Variants in LUZP2 observed in about 807,000 individuals in gnomAD.
LUZP2 encodes the protein leucine zipper protein 2.
In LUZP2, 52 loss-of-function variants were observed where a neutral mutation model predicts 51.6. The observed-to-expected ratio is 1.01, with a 90% confidence interval of 0.81 to 1.27. LUZP2 has a LOEUF of 1.27. Ranked by LOEUF, LUZP2 falls within the 50% of genes most tolerant of loss-of-function variation. The probability of loss-of-function intolerance (pLI) is 0.00; values close to 1 mark genes in which losing one functional copy is unlikely to be tolerated. For synonymous variants in LUZP2, 154 were observed against 137.3 expected, an observed-to-expected ratio of 1.12 and a Z score of -0.85; for missense variants, 436 against 395.4, an observed-to-expected ratio of 1.10 and a Z score of -0.87.
At chr11:25,066,510 A>G (rs537801456) in intron 10 of LUZP2, among the ~76,000 whole-genome samples, 53 of 152,124 alleles carry the variant, frequency 3.5e-4, no homozygotes, top group Admixed American at 3.9e-4. Context: ...TGTGGCAATG[A>G]CATTCGCTAA....
intron 7 of LUZP2, among the ~76,000 whole-genome samples, chr11:24,943,807 G>T (rs1854826493): frequency 6.6e-6 from 1 of 151,046 alleles, no homozygotes; most frequent in African/African-American, 2.4e-5. Flanking sequence ...GAACCCAGGA[G>T]GCAGAGGTTG....
chr11:24,692,641 A>G lies in LUZP2; in HGVS notation c.63-36528A>G, dbSNP rs1273887543. On this transcript the variant is annotated intron_variant, in intron 1 of 11. Transcript: ENST00000336930. ...TTCAGCCCAGTTTCTTCATCATAAA[A>G]GTACATAGCTAAAAAGTCAACAAGT... Among the ~76,000 whole-genome samples the G allele has an allele frequency of 2.0e-5, 3 of 152,202 alleles. No homozygotes were observed. The East Asian group carries it at 5.8e-4, about 29-fold the overall frequency.
rs191680018 is a variant in LUZP2 at position 24,940,798 on chromosome 11, G to C, written c.522+26260G>C. Among the ~76,000 whole-genome samples, 233 of 152,126 alleles carry C rather than the reference G, an allele frequency of 1.5e-3. 1 individual carries two copies. The highest frequency in any genetic ancestry group is 5.4e-3 in the African/African-American group (225 of 41,500). On this transcript the variant is annotated intron_variant, in intron 7 of 11. Transcript: ENST00000336930. ...AGCTTTTCCTATTCTTGAGTGAGTT[G>C]CATAACCTCTGAGCTATTTTCCCAA... is the stretch of plus-strand genomic sequence containing the variant.
At chr11:24,512,273 A>G (rs1850335424) in intron 1 of LUZP2, among the ~76,000 whole-genome samples, 1 of 152,136 alleles carries the variant, frequency 6.6e-6, no homozygotes, top group Non-Finnish European at 1.5e-5. Context: ...ATAAACCTTA[A>G]GAACCATCTT....
At chr11:24,996,136 C>T (rs150874275) in intron 9 of LUZP2, among the ~76,000 whole-genome samples, 243 of 150,868 alleles carry the variant, frequency 1.6e-3, no homozygotes, top group Non-Finnish European at 3.1e-3. Flanking sequence ...GAGTTTTTTT[C>T]GGTCATTTTT....
At chr11:24,714,959 T>G (rs1268455965) in intron 1 of LUZP2, among the ~76,000 whole-genome samples, 1 of 152,094 alleles carries the variant, frequency 6.6e-6, no homozygotes, top group Non-Finnish European at 1.5e-5. Context: ...TCTGCACACT[T>G]TAACTAAAGA....
chr11:24,652,109 TG>T (rs1565054140), intron 1 of LUZP2, among the ~76,000 whole-genome samples: 2 of 13,566 alleles, frequency 1.5e-4, no homozygotes, highest in Non-Finnish European at 1.3e-3. Context: ...TGTGTATATG[TG>T]TTTGTGTGTG....
chr11:24,678,533 T>C (rs887819021), intron 1 of LUZP2, among the ~76,000 whole-genome samples: 6 of 145,936 alleles, frequency 4.1e-5, no homozygotes, highest in African/African-American at 1.5e-4. Context: ...GGAAAAAATA[T>C]TAAAAGAAAA....
intron 6 of LUZP2, among the ~76,000 whole-genome samples, chr11:24,908,427 C>T (rs187151994): frequency 3.3e-5 from 5 of 152,262 alleles, no homozygotes; most frequent in Non-Finnish European, 7.4e-5. Context: ...ACTTTTTCAT[C>T]GTCCTTGTCT....
At chr11:24,884,356 T>G (rs567657146) in intron 5 of LUZP2, among the ~76,000 whole-genome samples, 8 of 151,998 alleles carry the variant, frequency 5.3e-5, no homozygotes, top group Non-Finnish European at 7.4e-5. Context: ...GGTACTGCAC[T>G]GAGGATTTAA....
chr11:24,522,040 A>G (rs945397955), intron 1 of LUZP2, among the ~76,000 whole-genome samples: 2 of 152,142 alleles, frequency 1.3e-5, no homozygotes, highest in African/African-American at 4.8e-5. Flanking sequence ...GCAATAACTG[A>G]CCACGAGATT....
In LUZP2 at chr11:24,527,567, TCACA is replaced by T. The variant is rs1554948856; in HGVS notation, c.62+30291_62+30294del. 1.0e-3 allele frequency among the ~76,000 whole-genome samples: 131 copies of T among 131,634 alleles called. 1 individual carries two copies. Among genetic ancestry groups the T allele is most frequent in the Non-Finnish European group, 1.3e-3 (76 of 60,198 alleles). The allele number at this position is 131,634 out of a possible 152,430, so 86.4% of individuals were successfully genotyped here. ...AAATAAGAATCTCTCTCTCTCTCTC[TCACA>T]CACACACACACACACACACACACAC... On this transcript the variant is annotated intron_variant, in intron 1 of 11. Coordinates refer to ENST00000336930, the MANE Select transcript of LUZP2 (RefSeq NM_001009909.4).
intron 1 of LUZP2, among the ~76,000 whole-genome samples, chr11:24,590,675 G>A (rs926403581): frequency 1.4e-4 from 21 of 152,130 alleles, no homozygotes; most frequent in Non-Finnish European, 7.4e-5. Flanking sequence ...AATACTAAAT[G>A]TAGCTATCAT....
chr11:24,738,326 C>A, intron 4 of LUZP2, 24 bp downstream of exon 4: 1 of 1,551,236 alleles, frequency 6.4e-7, no homozygotes, highest in Non-Finnish European at 8.9e-7. Flanking sequence ...TTCTTTGTGC[C>A]TTTTGCTTTT....
chr11:24,932,812 CCT>C (rs1420523057), intron 7 of LUZP2, among the ~76,000 whole-genome samples: 1 of 152,188 alleles, frequency 6.6e-6, no homozygotes, highest in Non-Finnish European at 1.5e-5. Flanking sequence ...CTTCTGTTTG[CCT>C]CTCTCTCGGG....
At chr11:24,781,480 G>A (rs1041936360) in intron 5 of LUZP2, among the ~76,000 whole-genome samples, 9 of 151,608 alleles carry the variant, frequency 5.9e-5, no homozygotes, top group African/African-American at 1.7e-4. Flanking sequence ...ACAATATTAG[G>A]TCCTTTCCTA....
intron 5 of LUZP2, among the ~76,000 whole-genome samples, chr11:24,898,698 C>T (rs1323296847): frequency 6.6e-6 from 1 of 151,114 alleles, no homozygotes; most frequent in Non-Finnish European, 1.5e-5. Context: ...TAAAACGTGA[C>T]AATTTCTTGT....
chr11:25,044,935 C>A (rs1374262732), intron 9 of LUZP2, among the ~76,000 whole-genome samples: 1 of 151,428 alleles, frequency 6.6e-6, no homozygotes, highest in East Asian at 2.0e-4. Flanking sequence ...TGGAAACCAT[C>A]ATTCTCAGCA....
At chr11:24,704,809 G>C (rs1271587044) in intron 1 of LUZP2, among the ~76,000 whole-genome samples, 1 of 152,108 alleles carries the variant, frequency 6.6e-6, no homozygotes, top group Non-Finnish European at 1.5e-5. Context: ...AAAAGTTAAA[G>C]CTGACTCTAA....
Sources: allele counts gnomAD v4.1 joint callset (sites outside exome capture counted in the v4.1 genomes callset), GRCh38; gene constraint gnomAD v4.1.1; transcripts MANE v1.5; gene names NCBI Gene and HGNC (gene_info 2026-07-23, HGNC 2026-07-21).